Variants in NKX6-1 observed in about 807,000 individuals in gnomAD.
NKX6-1 encodes the protein NK6 homeobox 1, also known as homeobox protein Nkx-6.1.
A neutral mutation model predicts 24.9 loss-of-function variants in NKX6-1; 11 were observed. That is an observed-to-expected ratio of 0.44 (90% CI 0.28 to 0.73). NKX6-1 has a LOEUF of 0.73. Among genes scored for constraint, NKX6-1 ranks in the 30% least tolerant of loss-of-function variants. NKX6-1 has a pLI of 0.15. For missense variants in NKX6-1, 487 were observed against 502.9 expected, an observed-to-expected ratio of 0.97 and a Z score of 0.30; for synonymous variants, 277 against 242.9, an observed-to-expected ratio of 1.14 and a Z score of -1.31.
chr4:84,495,636 G>T (rs371625836), intron 2 of NKX6-1, 36 bp downstream of exon 2: 21 of 1,589,302 alleles, frequency 1.3e-5, no homozygotes, highest in Admixed American at 1.7e-5. Context: ...CGACAGGGGC[G>T]GTACCTATCC....
chr4:84,495,584 G>T (rs1720800962), intron 2 of NKX6-1, 88 bp downstream of exon 2: 10 of 960,308 alleles, frequency 1.0e-5, no homozygotes, highest in South Asian at 6.9e-5. Context: ...GTTAGTTTGG[G>T]GTGTGTGTGT....
Position 84,497,178 on chromosome 4 carries a change from T to A in NKX6-1, c.670+381A>T, listed in dbSNP as rs1259926249. On this transcript the variant is annotated intron_variant, in intron 1 of 2. Transcript: ENST00000295886. This position sits in a 1 kb window ranked among gnomAD's most constrained non-coding sequence, Gnocchi z 4.8. ...AAAGCAGAGATGCAGTGGCCTCTCC[T>A]CCCCTCTCCTCCCCATCTTTCTAAT... 9.9e-5 allele frequency among the ~76,000 whole-genome samples: 15 copies of A among 151,886 alleles called. No homozygotes were observed. Among genetic ancestry groups the A allele is most frequent in the South Asian group, 4.2e-4 (2 of 4,802 alleles).
In NKX6-1 at chr4:84,493,651, G is replaced by A. The variant is rs1720769625; in HGVS notation, c.844-102C>T. The A allele has an allele frequency of 1.4e-6, 2 of 1,458,326 alleles. No homozygotes were observed. The highest frequency in any genetic ancestry group is 2.3e-5 in the East Asian group (1 of 43,496). 90.3% of individuals were successfully genotyped at this position (1,458,326 alleles called of 1,614,324 possible). A position where few individuals can be genotyped will look rare whatever the true frequency, so the allele number is the denominator to read the frequency against. On this transcript the variant is annotated intron_variant, in intron 2 of 2. Coordinates refer to ENST00000295886, the MANE Select transcript of NKX6-1 (RefSeq NM_006168.3). This position sits in a 1 kb window ranked among gnomAD's most constrained non-coding sequence, Gnocchi z 5.1. ...TCCCGCATCTCGATGGCCCTCCCGC[G>A]GCCCCCCGAAGGCCTGCTGCCCTCC...
Position 84,497,817 on chromosome 4 carries a change from C to T in NKX6-1, c.412G>A (p.Ala138Thr). ...SSSASASSAS[A>T]AAAAAAAAAA... ...GCCGCGGCAGCAGCCGCGGCGGCGG[C>T]AGAGGCGGAGGAGGCAGAGGCGGAC... Residue 138 changes from alanine to threonine, a missense_variant, in exon 1 of 3, where the codon GCC becomes ACC. Coordinates refer to ENST00000295886, the MANE Select transcript of NKX6-1 (RefSeq NM_006168.3). This position sits in a 1 kb window ranked among gnomAD's most constrained non-coding sequence, Gnocchi z 4.8. 5 of 1,272,948 alleles carry T rather than the reference C, an allele frequency of 3.9e-6. No individual in the cohort carries two copies. In the Admixed American group the frequency reaches 1.3e-4, roughly 32 times the overall value. The allele number at this position is 1,272,948 out of a possible 1,614,324, so 78.9% of individuals were successfully genotyped here. A position where few individuals can be genotyped will look rare whatever the true frequency, so the allele number is the denominator to read the frequency against.
chr4:84,498,229 C>A lies in NKX6-1; in HGVS notation c.-1G>T, dbSNP rs1668252619. 1.5e-6 allele frequency: 2 copies of A among 1,294,994 alleles called. No individual in the cohort carries two copies. Among genetic ancestry groups the A allele is most frequent in the Admixed American group, 3.1e-5 (1 of 32,658 alleles). The allele number at this position is 1,294,994 out of a possible 1,614,324, so 80.2% of individuals were successfully genotyped here. A position where few individuals can be genotyped will look rare whatever the true frequency, so the allele number is the denominator to read the frequency against. ...CCTCCATTGCCCCCACCGCTAACAT[C>A]CCACGGCCACGCCGGAGACCGTAGC... On this transcript the variant is annotated 5_prime_UTR_variant, in exon 1 of 3. Transcript: ENST00000295886.
rs771398530 is a variant in NKX6-1, at chr4:84,498,197, C to A, written c.32G>T (p.Arg11Leu). Residue 11 changes from arginine to leucine, a missense_variant, in exon 1 of 3, where the codon CGG (arginine) becomes CTG (leucine). Around this residue, in one of 3 missense-constraint regions of NKX6-1, gnomAD observed 316 missense variants for 311.4 expected, o/e 1.01. Transcript: ENST00000295886. MLAVGAMEGT[R>L]QSAFLLSSPP... ...GCTGCTGAGCAGGAATGCGCTCTGCCGGGTGCCCTCCATTGCCCCCACCGC... is the reference window on the plus strand; with the variant it reads ...GCTGCTGAGCAGGAATGCGCTCTGCAGGGTGCCCTCCATTGCCCCCACCGC... The A allele has an allele frequency of 4.6e-6, 6 of 1,297,116 alleles. No individual in the cohort carries two copies. The highest frequency in any genetic ancestry group is 5.9e-6 in the Non-Finnish European group (6 of 1,022,494). 80.4% of individuals were successfully genotyped at this position (1,297,116 alleles called of 1,614,324 possible).
rs542431066 is a variant in NKX6-1, at chr4:84,493,646, C to A, written c.844-97G>T. 2.3e-5 allele frequency: 34 copies of A among 1,456,924 alleles called. No individual in the cohort carries two copies. In the Admixed American group the frequency reaches 6.1e-4, roughly 26 times the overall value. The allele number at this position is 1,456,924 out of a possible 1,614,324, so 90.2% of individuals were successfully genotyped here. On this transcript the variant is annotated intron_variant, in intron 2 of 2. Transcript: ENST00000295886. The surrounding 1 kb of genome is among the most constrained non-coding windows in gnomAD (Gnocchi z 5.1). ...ACCACTCCCGCATCTCGATGGCCCTCCCGCGGCCCCCCGAAGGCCTGCTGC... is the reference window on the plus strand; with the variant it reads ...ACCACTCCCGCATCTCGATGGCCCTACCGCGGCCCCCCGAAGGCCTGCTGC...
Position 84,493,995 on chromosome 4 carries a change from A to C in NKX6-1, c.844-446T>G, listed in dbSNP as rs1194827334. Among the ~76,000 whole-genome samples, 1 of 152,134 alleles carries C rather than the reference A, an allele frequency of 6.6e-6. No homozygotes were observed. The highest frequency in any genetic ancestry group is 1.5e-5 in the Non-Finnish European group (1 of 68,018). On this transcript the variant is annotated intron_variant, in intron 2 of 2. Coordinates refer to ENST00000295886, the MANE Select transcript of NKX6-1 (RefSeq NM_006168.3). This position sits in a 1 kb window ranked among gnomAD's most constrained non-coding sequence, Gnocchi z 5.1. ...ATTAAGAAATTTCAAACAACCTGAC[A>C]CGTACTTGCTTTTCGGTATAGATTG...
At chr4:84,496,416 CA>C (rs903969423) in intron 1 of NKX6-1, 7 of 150,512 alleles carry the variant, frequency 4.7e-5, no homozygotes, top group African/African-American at 1.8e-4. Context: ...ATACGGCCAT[CA>C]AAACCGATAC....
rs373841554 is a variant in NKX6-1 at position 84,497,973 on chromosome 4, G to C, written c.256C>G (p.Pro86Ala). 1.3e-5 allele frequency: 17 copies of C among 1,297,224 alleles called. No homozygotes were observed. The South Asian group carries it at 2.0e-4, about 15-fold the overall frequency. 80.4% of individuals were successfully genotyped at this position (1,297,224 alleles called of 1,614,324 possible). The change falls in exon 1 of 3, where the codon CCC becomes GCC. Residue 86 changes from proline (P) to alanine (A), a missense_variant. By Grantham distance (27) the Pro-to-Ala change is conservative (BLOSUM62 -1). Coordinates refer to ENST00000295886, the MANE Select transcript of NKX6-1 (RefSeq NM_006168.3). The surrounding 1 kb of genome is among the most constrained non-coding windows in gnomAD (Gnocchi z 4.8). ...ATGGLSSLGS[P>A]PQQLSAATPH... is the part of the protein sequence containing the mutation. ...GTGGCGGCCGAGAGCTGCTGCGGGG[G>C]GCTGCCGAGGGATGAGAGCCCCCCC...
rs1189994028 is a variant in NKX6-1 at position 84,497,803 on chromosome 4, A to G, written c.426T>C (p.Ala142=). 3 of 1,267,464 alleles carry G rather than the reference A, an allele frequency of 2.4e-6. No homozygotes were observed. The highest frequency in any genetic ancestry group is 2.0e-6 in the Non-Finnish European group (2 of 1,009,712). The allele number at this position is 1,267,464 out of a possible 1,614,324, so 78.5% of individuals were successfully genotyped here. ...AGGCGGCGGCTGCGGCCGCGGCAGC[A>G]GCCGCGGCGGCGGCAGAGGCGGAGG... ...SASSASAAAA[A]AAAAAAAASS... is the part of the protein sequence containing the mutation. The change falls in exon 1 of 3, where the codon GCT becomes GCC. Residue 142 remains alanine, a synonymous_variant. Transcript: ENST00000295886. The surrounding 1 kb of genome is among the most constrained non-coding windows in gnomAD (Gnocchi z 4.8).
intron 1 of NKX6-1, among the ~76,000 whole-genome samples, chr4:84,496,228 G>A (rs1578468547): frequency 6.6e-6 from 1 of 151,710 alleles, no homozygotes; most frequent in African/African-American, 2.4e-5. Context: ...GAGCCTTTAA[G>A]TGAGAATAAC....
Position 84,499,240 on chromosome 4 carries a change from C to T in NKX6-1, c.-1012G>A, listed in dbSNP as rs1720896044. 6.6e-6 allele frequency among the ~76,000 whole-genome samples: 1 copy of T among 152,240 alleles called. No individual in the cohort carries two copies. The highest frequency in any genetic ancestry group is 2.1e-4 in the South Asian group (1 of 4,836). ...CCGCGGCTCCTCCGCTCTTTCTCTC[C>T]TTTCCTCTCTCCCTCCGGGCCTGAC... On this transcript the variant is annotated 5_prime_UTR_variant, in exon 1 of 3. Transcript: ENST00000295886.
At position 84,497,466 on chromosome 4, in the gene NKX6-1, G is replaced by C; in HGVS notation, c.670+93C>G. The stretch of plus-strand genomic sequence containing the variant: ...AAACTACTGGGGCGGGCCACAGGAT[G>C]GACTGAGCGGCATGCACACCAGGGG... On this transcript the variant is annotated intron_variant, in intron 1 of 2. Transcript: ENST00000295886. This position sits in a 1 kb window ranked among gnomAD's most constrained non-coding sequence, Gnocchi z 4.8. 1.6e-6 allele frequency: 2 copies of C among 1,246,114 alleles called. No homozygotes were observed. Among genetic ancestry groups the C allele is most frequent in the Non-Finnish European group, 2.0e-6 (2 of 987,116 alleles). 77.2% of individuals were successfully genotyped at this position (1,246,114 alleles called of 1,614,324 possible).
In NKX6-1 at chr4:84,498,843, G is replaced by C. The variant is rs1036401950; in HGVS notation, c.-615C>G. Among the ~76,000 whole-genome samples, 2 of 152,212 alleles carry C rather than the reference G, an allele frequency of 1.3e-5. No homozygotes were observed. The highest frequency in any genetic ancestry group is 2.9e-5 in the Non-Finnish European group (2 of 68,036). On this transcript the variant is annotated 5_prime_UTR_variant, in exon 1 of 3. Coordinates refer to ENST00000295886, the MANE Select transcript of NKX6-1 (RefSeq NM_006168.3). ...CCCGCGGGAGATCTAGCCTCTGTGCGGGCTTCCTCCGCCCACGCTGCCCCG... is the reference window on the plus strand; with the variant it reads ...CCCGCGGGAGATCTAGCCTCTGTGCCGGCTTCCTCCGCCCACGCTGCCCCG...
intron 2 of NKX6-1, among the ~76,000 whole-genome samples, chr4:84,494,430 C>A (rs1720782373): frequency 1.3e-5 from 2 of 152,192 alleles, no homozygotes; most frequent in Admixed American, 1.3e-4. Flanking sequence ...TTACCTAAAG[C>A]ATCAGCAAGA....
chr4:84,495,573 T>C (rs1041396056), intron 2 of NKX6-1, 99 bp downstream of exon 2: 10 of 1,069,174 alleles, frequency 9.4e-6, no homozygotes, highest in African/African-American at 1.6e-5. Flanking sequence ...GGCGACTGTT[T>C]GTTAGTTTGG....
Position 84,497,293 on chromosome 4 carries a change from C to A in NKX6-1, c.670+266G>T, listed in dbSNP as rs539064611. On this transcript the variant is annotated intron_variant, in intron 1 of 2. Transcript: ENST00000295886. The surrounding 1 kb of genome is among the most constrained non-coding windows in gnomAD (Gnocchi z 4.8). ...ACGTCCCTCACCGCGTTGTGGTCCA[C>A]ACGAACACACACACACCGGCTCAGC... is the stretch of plus-strand genomic sequence containing the variant. Among the ~76,000 whole-genome samples, 110 of 152,306 alleles carry A rather than the reference C, an allele frequency of 7.2e-4. No homozygotes were observed. The highest frequency in any genetic ancestry group is 3.4e-3 in the Middle Eastern group (1 of 294).
rs1720750766 is a variant in NKX6-1 at position 84,492,893 on chromosome 4, T to G, written c.*396A>C. The G allele has an allele frequency of 6.4e-6, 1 of 157,322 alleles. No homozygotes were observed. 9.7% of individuals were successfully genotyped at this position (157,322 alleles called of 1,614,324 possible). On this transcript the variant is annotated 3_prime_UTR_variant, in exon 3 of 3. Transcript: ENST00000295886. ...TCCCCCATGCGGTGAGCGTGAACCCTTCCACAGCACCTCTCGGCGCCCCCT... is the reference window on the plus strand; with the variant it reads ...TCCCCCATGCGGTGAGCGTGAACCCGTCCACAGCACCTCTCGGCGCCCCCT...
Sources: gnomAD v4.1 joint callset for allele counts (sites outside exome capture counted in the v4.1 genomes callset) on GRCh38, gnomAD v4.1.1 for gene constraint, gnomAD v4.1.1 regional missense constraint, Gnocchi (gnomAD v3.1) non-coding constraint, MANE v1.5 for transcripts, NCBI Gene and HGNC (gene_info 2026-07-23, HGNC 2026-07-21) for gene names.